Variants in MYCBP2 observed in about 807,000 individuals in gnomAD.
The protein encoded by MYCBP2 is MYC binding protein 2.
A neutral mutation model predicts 525.3 loss-of-function variants in MYCBP2; 120 were observed. The observed-to-expected ratio is 0.23, with a 90% confidence interval of 0.20 to 0.27. The LOEUF is 0.27. Among genes scored for constraint, MYCBP2 ranks in the 10% least tolerant of loss-of-function variants. The pLI is 1.00. For missense variants in MYCBP2, 4,149 were observed against 5,657.1 expected, an observed-to-expected ratio of 0.73 and a Z score of 8.55; for synonymous variants, 1,894 against 1,955.8, an observed-to-expected ratio of 0.97 and a Z score of 0.83.
At chr13:77,046,977 A>G (rs1207292097) in intron 82 of MYCBP2, among the ~76,000 whole-genome samples, 1 of 152,154 alleles carries the variant, frequency 6.6e-6, no homozygotes, top group Admixed American at 6.5e-5. Flanking sequence ...CAACATATCA[A>G]TGGTGGTGAC....
At chr13:77,062,517 T>G in intron 74 of MYCBP2, 79 bp downstream of exon 74, 1 of 1,226,522 alleles carries the variant, frequency 8.2e-7, no homozygotes, top group Non-Finnish European at 1.2e-6. Context: ...TGTTTTTTGT[T>G]TGTTTGTTTG....
At chr13:77,200,800 T>C (rs2062431530) in intron 26 of MYCBP2, among the ~76,000 whole-genome samples, 1 of 151,886 alleles carries the variant, frequency 6.6e-6, no homozygotes, top group Non-Finnish European at 1.5e-5. Flanking sequence ...CTAAGCTTCA[T>C]AAGTGAAGGA....
chr13:77,158,143 A>G (rs1235511115), intron 44 of MYCBP2, 34 bp from the exon 45 acceptor site: 1 of 1,373,964 alleles, frequency 7.3e-7, no homozygotes, highest in Admixed American at 2.7e-5. Context: ...ATATATTCTT[A>G]AAAATAAAAC....
chr13:77,235,548 C>A (rs1420859451), intron 17 of MYCBP2, among the ~76,000 whole-genome samples: 1 of 152,014 alleles, frequency 6.6e-6, no homozygotes, highest in Non-Finnish European at 1.5e-5. Flanking sequence ...CCTTTTTATA[C>A]CACAAAACTT....
At chr13:77,282,361 G>C (rs1310776902) in intron 3 of MYCBP2, among the ~76,000 whole-genome samples, 5 of 150,548 alleles carry the variant, frequency 3.3e-5, no homozygotes, top group Non-Finnish European at 7.4e-5. Flanking sequence ...AGTGAGCCAA[G>C]ATCGTGCCAC....
chr13:77,180,459 T>C lies in MYCBP2; in HGVS notation c.4942-141A>G, dbSNP rs1159480007. 5.8e-6 allele frequency: 4 copies of C among 684,814 alleles called. No homozygotes were observed. In the South Asian group the frequency reaches 8.4e-5, roughly 14 times the overall value. 42.4% of individuals were successfully genotyped at this position (684,814 alleles called of 1,614,324 possible). On this transcript the variant is annotated intron_variant, in intron 33 of 82. Coordinates refer to ENST00000544440, the MANE Select transcript of MYCBP2 (RefSeq NM_015057.5). ...ATTTCTACAAATCTTTCTGGTTATA[T>C]GTGGAGCCACTTTTCACTTAGAAGT...
At chr13:77,304,084 C>T (rs2079110595) in intron 1 of MYCBP2, among the ~76,000 whole-genome samples, 1 of 152,138 alleles carries the variant, frequency 6.6e-6, no homozygotes, top group African/African-American at 2.4e-5. Context: ...CCTGAAAAAA[C>T]TAAAAACAGA....
chr13:77,139,166 T>C (rs371592082), intron 52 of MYCBP2, 30 bp downstream of exon 52: 19 of 1,607,636 alleles, frequency 1.2e-5, no homozygotes, highest in Non-Finnish European at 1.5e-5. Context: ...CGTGTATCTA[T>C]AATGCTTTTT....
Position 77,059,631 on chromosome 13 carries a change from G to A in MYCBP2, c.13037-5C>T, listed in dbSNP as rs755644945. ...AGCTACTCGTGGTGGGTTTGCCTAG[G>A]TTCAAGCAGAAAAATAAAAATCCTT... On this transcript the variant is annotated splice_polypyrimidine_tract_variant and splice_region_variant and intron_variant, in intron 76 of 82. Transcript: ENST00000544440. The A allele has an allele frequency of 1.2e-6, 2 of 1,608,532 alleles. No individual in the cohort carries two copies. The highest frequency in any genetic ancestry group is 1.7e-6 in the Non-Finnish European group (2 of 1,175,264).
intron 41 of MYCBP2, 69 bp downstream of exon 41, chr13:77,166,260 T>C (rs2058505779): frequency 5.6e-6 from 6 of 1,072,094 alleles, no homozygotes; most frequent in Non-Finnish European, 8.1e-6. Context: ...TTTTCAATGA[T>C]ACACCCTTAC....
Position 77,191,683 on chromosome 13 carries a change from C to G in MYCBP2, c.4066G>C (p.Asp1356His). 6.2e-7 allele frequency: 1 copy of G among 1,613,206 alleles called. No individual in the cohort carries two copies. Among genetic ancestry groups the G allele is most frequent in the Non-Finnish European group, 8.5e-7 (1 of 1,179,672 alleles). ...AACACTTGGGCATTTACTTACCCAT[C>G]ATCTGTGGTAATAGATGCCTGTCCA... Reference protein sequence around the residue: ...SHGQASITTDDGVVFQFKSSK... With the variant: ...SHGQASITTDHGVVFQFKSSK... Residue 1356 changes from aspartate (D) to histidine (H), a missense_variant, in exon 28 of 83, where the codon GAT (aspartate) becomes CAT (histidine). Transcript: ENST00000544440.
intron 68 of MYCBP2, among the ~76,000 whole-genome samples, chr13:77,071,308 C>A (rs1042192161): frequency 1.5e-3 from 227 of 147,850 alleles, no homozygotes; most frequent in African/African-American, 5.5e-3. Context: ...CACACACACA[C>A]AAATCTTATC....
At chr13:77,305,294 T>C (rs747607854) in intron 1 of MYCBP2, among the ~76,000 whole-genome samples, 19 of 152,092 alleles carry the variant, frequency 1.2e-4, no homozygotes, top group Non-Finnish European at 2.7e-4. Flanking sequence ...ACCCAAATGC[T>C]CACCAACTAA....
chr13:77,123,518 A>G (rs1176017372), intron 54 of MYCBP2, among the ~76,000 whole-genome samples: 2 of 152,218 alleles, frequency 1.3e-5, no homozygotes, highest in Non-Finnish European at 2.9e-5. Context: ...CTTACCATCC[A>G]TTAGCTTTAT....
rs118013936 is a variant in MYCBP2, at chr13:77,255,671, T to G, written c.2176+2000A>C. ...TTTCTTTTCTTTCTTTTGTTCCTTC[T>G]TCATTTGCCAATATATTCTAGTAAC... On this transcript the variant is annotated intron_variant, in intron 14 of 82. Coordinates refer to ENST00000544440, the MANE Select transcript of MYCBP2 (RefSeq NM_015057.5). Among the ~76,000 whole-genome samples, 952 of 152,096 alleles carry G rather than the reference T, an allele frequency of 6.3e-3. 10 individuals are homozygous for G. The highest frequency in any genetic ancestry group is 0.052 in the East Asian group (269 of 5,186).
In MYCBP2 at chr13:77,278,744, G is replaced by C. The variant is rs1259284539; in HGVS notation, c.748+14C>G. The C allele has an allele frequency of 1.3e-6, 2 of 1,510,042 alleles. No homozygotes were observed. Among genetic ancestry groups the C allele is most frequent in the Admixed American group, 4.8e-5 (2 of 41,324 alleles). 93.5% of individuals were successfully genotyped at this position (1,510,042 alleles called of 1,614,324 possible). ...CACTTTTAAATGCTTCACTGAATGA[G>C]CCTTGGCTCTTACCTAGGACCTCAG... On this transcript the variant is annotated intron_variant, in intron 4 of 82. Transcript: ENST00000544440.
chr13:77,304,947 C>G (rs2079221063), intron 1 of MYCBP2, among the ~76,000 whole-genome samples: 1 of 150,720 alleles, frequency 6.6e-6, no homozygotes, highest in East Asian at 2.0e-4. Context: ...CAACATTAAA[C>G]AAGGGAAAAA....
Position 77,303,552 on chromosome 13 carries a change from A to T in MYCBP2, c.303-6878T>A, listed in dbSNP as rs545004325. Among the ~76,000 whole-genome samples the T allele has an allele frequency of 1.6e-3, 243 of 151,742 alleles. 2 individuals carry two copies. The highest frequency in any genetic ancestry group is 2.3e-3 in the Non-Finnish European group (155 of 67,860). The stretch of plus-strand genomic sequence containing the variant: ...TCATGGAAAAATTAAACGAGAAATT[A>T]AAAAAAAACAAACAACTAAGAAATT... On this transcript the variant is annotated intron_variant, in intron 1 of 82. Transcript: ENST00000544440.
rs985945441 is a variant in MYCBP2 at position 77,188,049 on chromosome 13, C to T, written c.4251+902G>A. ...TCGTGCCACTGCACTCCAGCCTGGGCGACAGAGCGAGACTCTGCCTCACCA... is the reference window on the plus strand; with the variant it reads ...TCGTGCCACTGCACTCCAGCCTGGGTGACAGAGCGAGACTCTGCCTCACCA... On this transcript the variant is annotated intron_variant, in intron 30 of 82. Transcript: ENST00000544440. Among the ~76,000 whole-genome samples, 154 of 136,376 alleles carry T rather than the reference C, an allele frequency of 1.1e-3. 1 individual carries two copies. The highest frequency in any genetic ancestry group is 4.4e-3 in the Middle Eastern group (1 of 228). The allele number at this position is 136,376 out of a possible 152,430, so 89.5% of individuals were successfully genotyped here.
Sources: allele counts gnomAD v4.1 joint callset (sites outside exome capture counted in the v4.1 genomes callset), GRCh38; gene constraint gnomAD v4.1.1; transcripts MANE v1.5; gene names NCBI Gene and HGNC (gene_info 2026-07-23, HGNC 2026-07-21).